Variants in PRMT7 observed in about 807,000 individuals in gnomAD.
PRMT7 encodes the protein protein arginine methyltransferase 7.
A neutral mutation model predicts 85.4 loss-of-function variants in PRMT7; 75 were observed. The ratio of observed to expected loss-of-function variants is 0.88; its 90% CI spans 0.73 to 1.06. The LOEUF is 1.06. Among genes scored for constraint, PRMT7 ranks in the 50% least tolerant of loss-of-function variants. The probability of loss-of-function intolerance (pLI) is 0.00; values close to 1 mark genes in which losing one functional copy is unlikely to be tolerated. For missense variants in PRMT7, 868 were observed against 915.2 expected (o/e 0.95, Z 0.67); for synonymous variants, 397 against 359.5 (o/e 1.10, Z -1.18).
At position 68,313,552 on chromosome 16, in the gene PRMT7, C is replaced by T. The variant is rs577344502; in HGVS notation, c.-84+1376C>T. Among the ~76,000 whole-genome samples the T allele has an allele frequency of 2.6e-5, 4 of 152,336 alleles. No individual in the cohort carries two copies. In the South Asian group the frequency reaches 8.3e-4, roughly 32 times the overall value. ...CCACAACCCCCTCCTTCTCCTCCTG[C>T]CTCAGCTGAATCCACCTTTTAAGCC... is the stretch of plus-strand genomic sequence containing the variant. On this transcript the variant is annotated intron_variant, in intron 2 of 18. Coordinates refer to ENST00000441236, the MANE Select transcript of PRMT7 (RefSeq NM_019023.5).
chr16:68,332,663 T>G (rs1408450442), intron 6 of PRMT7, among the ~76,000 whole-genome samples: 1 of 152,190 alleles, frequency 6.6e-6, no homozygotes, highest in Admixed American at 6.5e-5. Context: ...GCTTTTTTTC[T>G]GTGTAATTTC....
At chr16:68,356,654 C>A in intron 17 of PRMT7, 47 bp from the exon 18 acceptor site, 1 of 1,461,848 alleles carries the variant, frequency 6.8e-7, no homozygotes, top group Non-Finnish European at 9.5e-7. Flanking sequence ...TGTTCCCCCG[C>A]TGCCTCTTGT....
chr16:68,333,929 C>G (rs1048210851), intron 6 of PRMT7, among the ~76,000 whole-genome samples: 1 of 152,132 alleles, frequency 6.6e-6, no homozygotes, highest in Non-Finnish European at 1.5e-5. Context: ...TGCACCACCA[C>G]CTGGCTAATT....
intron 16 of PRMT7, chr16:68,354,985 G>A (rs956101972): frequency 2.6e-5 from 4 of 152,646 alleles, no homozygotes; most frequent in African/African-American, 4.8e-5. Context: ...CCTGCCATTG[G>A]TCTTCGTGCT....
chr16:68,318,410 A>C (rs1049204111), intron 3 of PRMT7, among the ~76,000 whole-genome samples: 3 of 152,194 alleles, frequency 2.0e-5, no homozygotes, highest in Admixed American at 6.5e-5. Flanking sequence ...CGTGTTAGCC[A>C]GGATGATCTT....
intron 10 of PRMT7, 40 bp downstream of exon 10, chr16:68,345,842 G>A (rs1427897121): frequency 1.2e-6 from 2 of 1,611,262 alleles, no homozygotes; most frequent in African/African-American, 2.7e-5. Flanking sequence ...GAGCCTCTGA[G>A]ACTTGTATGT....
intron 18 of PRMT7, 24 bp downstream of exon 18, chr16:68,356,821 G>A (rs777336966): frequency 6.3e-7 from 1 of 1,589,230 alleles, no homozygotes; most frequent in African/African-American, 1.3e-5. Flanking sequence ...ACCGGGCCCA[G>A]TGTGCGTGCA....
At chr16:68,353,355 G>T (rs1158696467) in intron 15 of PRMT7, 137 bp from the exon 16 acceptor site, 23 of 1,491,408 alleles carry the variant, frequency 1.5e-5, no homozygotes, top group Non-Finnish European at 1.9e-5. Flanking sequence ...GTGGATCTTT[G>T]TTCTCTCTGA....
chr16:68,356,682 G>T lies in PRMT7; in HGVS notation c.1812-19G>T. On this transcript the variant is annotated intron_variant, in intron 17 of 18. Coordinates refer to ENST00000441236, the MANE Select transcript of PRMT7 (RefSeq NM_019023.5). The stretch of plus-strand genomic sequence containing the variant: ...CCTCTTGTGTGACTACTTCTGCTGG[G>T]CCCCCCTCTCCTTGACAGGCCCGGG... 1 of 1,599,686 alleles carries T rather than the reference G, an allele frequency of 6.3e-7. No homozygotes were observed. The highest frequency in any genetic ancestry group is 8.5e-7 in the Non-Finnish European group (1 of 1,170,900).
intron 15 of PRMT7, 51 bp downstream of exon 15, chr16:68,352,460 A>G (rs1597481582): frequency 6.5e-7 from 1 of 1,544,860 alleles, no homozygotes; most frequent in Non-Finnish European, 8.7e-7. Context: ...GCGGGTGGGG[A>G]ACCTTGTTTT....
At chr16:68,352,093 G>C (rs939816075) in intron 14 of PRMT7, 155 bp from the exon 15 acceptor site, 7 of 720,352 alleles carry the variant, frequency 9.7e-6, no homozygotes, top group Non-Finnish European at 1.6e-5. Context: ...GATGAGGGAG[G>C]GAGGGAATGA....
intron 13 of PRMT7, 87 bp from the exon 14 acceptor site, chr16:68,348,255 G>A (rs372506152): frequency 9.8e-6 from 11 of 1,121,492 alleles, no homozygotes; most frequent in African/African-American, 4.7e-5. Context: ...AATTCAAAGC[G>A]GAGAATGCAA....
chr16:68,353,604 G>T, intron 16 of PRMT7, 38 bp downstream of exon 16: 2 of 1,500,738 alleles, frequency 1.3e-6, no homozygotes, highest in Non-Finnish European at 1.8e-6. Context: ...CCCCCGACCT[G>T]CTCCTGTATC....
At position 68,322,348 on chromosome 16, in the gene PRMT7, C is replaced by T. The variant is rs144093018; in HGVS notation, c.132+886C>T. 9.9e-3 allele frequency: 4,338 copies of T among 440,198 alleles called. 177 individuals carry two copies. Among genetic ancestry groups the T allele is most frequent in the African/African-American group, 0.079 (3,887 of 49,478 alleles). The allele number at this position is 440,198 out of a possible 1,614,324, so 27.3% of individuals were successfully genotyped here. A position where few individuals can be genotyped will look rare whatever the true frequency, so the allele number is the denominator to read the frequency against. ...CCCAGTAGCTGGGACTACAGGCATGCCACCATGCCTGGCTAATTTTTGTAT... is the reference window on the plus strand; with the variant it reads ...CCCAGTAGCTGGGACTACAGGCATGTCACCATGCCTGGCTAATTTTTGTAT... On this transcript the variant is annotated intron_variant, in intron 4 of 18. Coordinates refer to ENST00000441236, the MANE Select transcript of PRMT7 (RefSeq NM_019023.5).
At chr16:68,340,980 T>G (rs1322194791) in intron 9 of PRMT7, among the ~76,000 whole-genome samples, 1 of 152,138 alleles carries the variant, frequency 6.6e-6, no homozygotes, top group Non-Finnish European at 1.5e-5. Context: ...CTGGTGTTAG[T>G]AAAAATAGGA....
At position 68,357,141 on chromosome 16, in the gene PRMT7, C is replaced by T. The variant is rs370836322; in HGVS notation, c.1996C>T (p.Arg666Trp). Residue 666 changes from arginine to tryptophan, a missense_variant, in exon 19 of 19, where the codon CGG becomes TGG. Coordinates refer to ENST00000441236, the MANE Select transcript of PRMT7 (RefSeq NM_019023.5). Reference protein sequence around the residue: ...PDPRALLGGPRTVSYAVEFHP... With the variant: ...PDPRALLGGPWTVSYAVEFHP... ...TCCCAGAGCACTGCTGGGTGGCCCACGGACTGTCAGCTATGCAGTGGAGTT... is the reference window on the plus strand; with the variant it reads ...TCCCAGAGCACTGCTGGGTGGCCCATGGACTGTCAGCTATGCAGTGGAGTT... 15 of 1,613,880 alleles carry T rather than the reference C, an allele frequency of 9.3e-6. No homozygotes were observed. The highest frequency in any genetic ancestry group is 3.3e-5 in the Admixed American group (2 of 60,000).
At chr16:68,351,315 A>G (rs145186103) in intron 14 of PRMT7, 1,788 of 149,452 alleles carry the variant, frequency 0.012, 22 homozygotes, top group Middle Eastern at 0.041. Flanking sequence ...ACCCTCTGCC[A>G]CTCCTTCCAC....
At chr16:68,331,527 G>T (rs572269328) in intron 6 of PRMT7, among the ~76,000 whole-genome samples, 1 of 150,884 alleles carries the variant, frequency 6.6e-6, no homozygotes, top group Non-Finnish European at 1.5e-5. Flanking sequence ...GAGTGCAGGG[G>T]TGTGAGCATG....
intron 15 of PRMT7, 114 bp from the exon 16 acceptor site, chr16:68,353,378 T>G (rs1454737848): frequency 6.4e-7 from 1 of 1,554,080 alleles, no homozygotes; most frequent in East Asian, 2.4e-5. Flanking sequence ...CCCTTCATAC[T>G]TGGGGGTCTC....
Sources: gnomAD v4.1 joint callset for allele counts (sites outside exome capture counted in the v4.1 genomes callset) on GRCh38, gnomAD v4.1.1 for gene constraint, MANE v1.5 for transcripts, NCBI Gene and HGNC (gene_info 2026-07-23, HGNC 2026-07-21) for gene names.